RGPD2: variants seen among roughly 807,000 people sequenced by gnomAD.
RGPD2 encodes the protein RANBP2 like and GRIP domain containing 2.
In RGPD2, 2 loss-of-function variants were observed where a neutral mutation model predicts 36.0. That is an observed-to-expected ratio of 0.06 (90% CI 0.02 to 0.17). The LOEUF (loss-of-function observed/expected upper bound fraction) is 0.17. Among genes scored for constraint, RGPD2 ranks in the 10% least tolerant of loss-of-function variants. The pLI is 1.00. For missense variants in RGPD2, 40 were observed against 464.3 expected (o/e 0.09, Z 8.40); for synonymous variants, 19 against 163.8 (o/e 0.12, Z 6.75).
At chr2:87,847,362 T>C in the RGPD2 span, among the ~76,000 whole-genome samples, 1 of 152,214 alleles carries the variant, frequency 6.6e-6, no homozygotes, top group Non-Finnish European at 1.5e-5. Context: ...GTGATTAGCA[T>C]GTTTTGATAT....
chr2:87,918,120 T>C, the RGPD2 span, among the ~76,000 whole-genome samples: 4 of 122,954 alleles, frequency 3.3e-5, no homozygotes, highest in African/African-American at 1.1e-4. Context: ...TTTGCAATTT[T>C]TAATTTCATA....
At chr2:87,849,029 T>TA in the RGPD2 span, among the ~76,000 whole-genome samples, 1 of 152,184 alleles carries the variant, frequency 6.6e-6, no homozygotes, top group Admixed American at 6.5e-5. Context: ...ACGTTTGAGT[T>TA]ACAAAAAAAC....
At chr2:87,983,218 G>A in the RGPD2 span, among the ~76,000 whole-genome samples, 1 of 152,210 alleles carries the variant, frequency 6.6e-6, no homozygotes, top group Admixed American at 6.5e-5. Flanking sequence ...TACTCGGGAG[G>A]CTGAGGCACA....
chr2:87,762,431 CT>C (rs1684915200), intron 22 of RGPD2, among the ~76,000 whole-genome samples: 1 of 131,306 alleles, frequency 7.6e-6, no homozygotes, highest in South Asian at 2.6e-4. Context: ...GTCCCAGCTA[CT>C]TGGGAGGCTG....
the RGPD2 span, among the ~76,000 whole-genome samples, chr2:87,930,205 TG>T: frequency 2.5e-5 from 3 of 121,836 alleles, no homozygotes; most frequent in Non-Finnish European, 5.1e-5. Context: ...GCTATGGGTT[TG>T]CCATATATGG....
At chr2:87,988,642 G>T in the RGPD2 span, among the ~76,000 whole-genome samples, 2 of 149,828 alleles carry the variant, frequency 1.3e-5, no homozygotes, top group African/African-American at 4.9e-5. Context: ...CTGGGTTCAA[G>T]CAATTCTCCT....
chr2:87,880,165 T>C, the RGPD2 span, among the ~76,000 whole-genome samples: 2 of 148,614 alleles, frequency 1.3e-5, no homozygotes, highest in African/African-American at 5.0e-5. Context: ...TTGTATTTGT[T>C]TTATTGTTAC....
At chr2:87,857,998 A>G in the RGPD2 span, among the ~76,000 whole-genome samples, 22 of 152,338 alleles carry the variant, frequency 1.4e-4, no homozygotes, top group South Asian at 3.7e-3. Flanking sequence ...ACATACTAAA[A>G]TATATACTCC....
chr2:87,972,528 C>T, the RGPD2 span: 12 of 615,158 alleles, frequency 2.0e-5, no homozygotes, highest in Non-Finnish European at 3.0e-5. Flanking sequence ...AAGCTCCGGC[C>T]GCGGAGTGAT....
the RGPD2 span, among the ~76,000 whole-genome samples, chr2:87,863,599 T>C: frequency 6.6e-6 from 1 of 152,140 alleles, no homozygotes; most frequent in Non-Finnish European, 1.5e-5. Context: ...AATACCAGCC[T>C]TGATGATGTG....
chr2:87,935,633 G>C, the RGPD2 span, among the ~76,000 whole-genome samples: 5,408 of 151,388 alleles, frequency 0.036, 316 homozygotes, highest in African/African-American at 0.12. Context: ...GACTGGATTA[G>C]AGAAGTACTC....
At chr2:87,842,743 G>T in the RGPD2 span, among the ~76,000 whole-genome samples, 2 of 151,998 alleles carry the variant, frequency 1.3e-5, no homozygotes, top group Non-Finnish European at 2.9e-5. Context: ...AAAAGAGCCC[G>T]CATCGCCAAG....
the RGPD2 span, among the ~76,000 whole-genome samples, chr2:87,932,818 C>T: frequency 3.4e-3 from 519 of 151,598 alleles, 2 homozygotes; most frequent in Non-Finnish European, 5.3e-3. Flanking sequence ...CTTAGAGGTC[C>T]GCTGTTAGTC....
chr2:87,830,225 CTT>C (rs1243154638), upstream of RGPD2, among the ~76,000 whole-genome samples: 1 of 152,244 alleles, frequency 6.6e-6, no homozygotes, highest in Non-Finnish European at 1.5e-5. Flanking sequence ...GCCCCTGAGA[CTT>C]TGCAGGGTAC....
rs1240527112 is a variant in RGPD2, at chr2:87,781,448, TTTTTTTTG to T, written c.4900+668_4900+675del. On this transcript the variant is annotated intron_variant, in intron 20 of 22. Transcript: ENST00000398146. Reference sequence around the variant, plus strand: ...AAATGAGAACATCTCAATATCATGGTTTTTTTTGTTTTTTTGTTTTTTTTTTTTTTTTT... The same window carrying T: ...AAATGAGAACATCTCAATATCATGGTTTTTTTTGTTTTTTTTTTTTTTTTT... Among the ~76,000 whole-genome samples the T allele has an allele frequency of 8.7e-4, 115 of 131,656 alleles. 1 individual carries two copies. The highest frequency in any genetic ancestry group is 2.9e-3 in the African/African-American group (100 of 34,554). 86.4% of individuals were successfully genotyped at this position (131,656 alleles called of 152,430 possible).
chr2:87,857,920 A>G, the RGPD2 span, among the ~76,000 whole-genome samples: 1 of 152,258 alleles, frequency 6.6e-6, no homozygotes, highest in Non-Finnish European at 1.5e-5. Flanking sequence ...ATGTAGTTCA[A>G]TAAAAATATA....
At chr2:87,853,705 A>G in the RGPD2 span, among the ~76,000 whole-genome samples, 1 of 151,232 alleles carries the variant, frequency 6.6e-6, no homozygotes, top group East Asian at 1.9e-4. Context: ...ATACTTGAGT[A>G]GCCTAATTAT....
At chr2:87,984,988 C>G in the RGPD2 span, among the ~76,000 whole-genome samples, 2 of 140,098 alleles carry the variant, frequency 1.4e-5, no homozygotes, top group African/African-American at 2.7e-5. Context: ...TAGAATGGTA[C>G]AGCTGAGCTA....
the RGPD2 span, among the ~76,000 whole-genome samples, chr2:87,913,168 A>T: frequency 2.6e-5 from 4 of 152,080 alleles, no homozygotes; most frequent in Admixed American, 6.6e-5. Context: ...GATAGACTGG[A>T]TTAAGAAAAT....
Sources: gnomAD v4.1 joint callset for allele counts (sites outside exome capture counted in the v4.1 genomes callset) on GRCh38, gnomAD v4.1.1 for gene constraint, MANE v1.5 for transcripts, NCBI Gene and HGNC (gene_info 2026-07-23, HGNC 2026-07-21) for gene names.